The following KREMEN1 variants were observed in gnomAD, a reference collection of about 807,000 sequenced individuals.
KREMEN1 encodes the protein kringle containing transmembrane protein 1.
In KREMEN1, 30 loss-of-function variants were observed where a neutral mutation model predicts 46.5. The ratio of observed to expected loss-of-function variants is 0.65; its 90% CI spans 0.48 to 0.88. The LOEUF (loss-of-function observed/expected upper bound fraction) is 0.88. Ranked by LOEUF, KREMEN1 falls within the 40% of genes least tolerant of loss-of-function variation. The probability of loss-of-function intolerance (pLI) is 0.00; values close to 1 mark genes in which losing one functional copy is unlikely to be tolerated. For synonymous variants in KREMEN1, 214 were observed against 230.6 expected, an observed-to-expected ratio of 0.93 and a Z score of 0.65; for missense variants, 533 against 596.9, an observed-to-expected ratio of 0.89 and a Z score of 1.11.
chr22:29,106,218 CTTT>C (rs36063476), intron 3 of KREMEN1, among the ~76,000 whole-genome samples: 1 of 143,180 alleles, frequency 7.0e-6, no homozygotes, highest in African/African-American at 2.6e-5. Flanking sequence ...TTCACATTAT[CTTT>C]TTTTTTTTTT....
At chr22:29,121,903 A>T (rs1335026549) in intron 4 of KREMEN1, among the ~76,000 whole-genome samples, 1 of 152,246 alleles carries the variant, frequency 6.6e-6, no homozygotes, top group Non-Finnish European at 1.5e-5. Context: ...AAAATCCTAA[A>T]ATATTGGGTT....
chr22:29,107,852 T>G (rs1238794906), intron 3 of KREMEN1, among the ~76,000 whole-genome samples: 1 of 152,196 alleles, frequency 6.6e-6, no homozygotes, highest in Non-Finnish European at 1.5e-5. Flanking sequence ...GATTGTACTT[T>G]TATTTGTGGA....
At chr22:29,094,520 A>C in intron 2 of KREMEN1, 100 bp downstream of exon 2, 2 of 1,031,952 alleles carry the variant, frequency 1.9e-6, no homozygotes, top group Non-Finnish European at 2.8e-6. Context: ...AAGTCTTTTG[A>C]CCAACTCAAG....
chr22:29,093,017 A>G (rs1339706133), intron 1 of KREMEN1, among the ~76,000 whole-genome samples: 1 of 152,138 alleles, frequency 6.6e-6, no homozygotes, highest in South Asian at 2.1e-4. Context: ...GGTTTCTTGC[A>G]TAGGTGGACA....
chr22:29,094,572 T>TACACACACACACACAC (rs134658), intron 2 of KREMEN1, 152 bp downstream of exon 2: 46 of 255,780 alleles, frequency 1.8e-4, no homozygotes, highest in African/African-American at 1.1e-3. Flanking sequence ...TTTCACACCT[T>TACACACACACACACAC]ACACACACAC....
At chr22:29,151,259 A>C (rs1484588275), downstream of KREMEN1, among the ~76,000 whole-genome samples, 1 of 152,206 alleles carries the variant, frequency 6.6e-6, no homozygotes, top group African/African-American at 2.4e-5. Flanking sequence ...CCATTAAGCC[A>C]TGAGCATGAT....
chr22:29,117,867 G>T (rs143275304), intron 3 of KREMEN1, among the ~76,000 whole-genome samples: 9 of 152,160 alleles, frequency 5.9e-5, no homozygotes, highest in Admixed American at 2.0e-4. Context: ...GTATTATAAG[G>T]TATATTATCT....
intron 3 of KREMEN1, among the ~76,000 whole-genome samples, chr22:29,107,788 T>G (rs1601775709): frequency 6.6e-6 from 1 of 152,110 alleles, no homozygotes; most frequent in Non-Finnish European, 1.5e-5. Flanking sequence ...GGAGGATTGC[T>G]TGAGCTCAGG....
intron 3 of KREMEN1, among the ~76,000 whole-genome samples, chr22:29,100,331 C>G (rs1175240526): frequency 6.6e-6 from 1 of 152,032 alleles, no homozygotes; most frequent in Non-Finnish European, 1.5e-5. Context: ...TCAGGCTGGT[C>G]TTGAACTCCT....
At chr22:29,102,069 G>A (rs2037985686) in intron 3 of KREMEN1, among the ~76,000 whole-genome samples, 1 of 152,176 alleles carries the variant, frequency 6.6e-6, no homozygotes, top group African/African-American at 2.4e-5. Context: ...AAAAGACAGT[G>A]AATTCGTAAC....
At chr22:29,153,737 T>C (rs551683705) in intron 9 of KREMEN1, among the ~76,000 whole-genome samples, 1 of 152,088 alleles carries the variant, frequency 6.6e-6, no homozygotes, top group South Asian at 2.1e-4. Flanking sequence ...TCCCAGCACT[T>C]TGGGAGGCCG....
chr22:29,108,834 G>A (rs2145789313), intron 3 of KREMEN1, among the ~76,000 whole-genome samples: 1 of 152,322 alleles, frequency 6.6e-6, no homozygotes, highest in Non-Finnish European at 1.5e-5. Flanking sequence ...CTGTTGCCCA[G>A]GCTGGAGTGC....
At chr22:29,122,259 A>T (rs1407677317) in intron 4 of KREMEN1, among the ~76,000 whole-genome samples, 1 of 152,210 alleles carries the variant, frequency 6.6e-6, no homozygotes, top group East Asian at 1.9e-4. Context: ...AACCACAATG[A>T]GATACCACTG....
At chr22:29,103,822 G>A (rs134669) in intron 3 of KREMEN1, among the ~76,000 whole-genome samples, 113,511 of 152,094 alleles carry the variant, frequency 0.75, 43,056 homozygotes, top group African/African-American at 0.87. Flanking sequence ...CAATAATGGC[G>A]TGGTGGTGAA....
rs1325832737 is a variant in KREMEN1 at position 29,073,427 on chromosome 22, C to T, written c.97+200C>T. ...ACCCCCAGGCCCGTCATCGACGCCC[C>T]CGGGCCCGGTACTGTCCCCCGGCTG... On this transcript the variant is annotated intron_variant, in intron 1 of 8. Transcript: ENST00000400335. This position sits in a 1 kb window ranked among gnomAD's most constrained non-coding sequence, Gnocchi z 4.4. 1.3e-5 allele frequency among the ~76,000 whole-genome samples: 2 copies of T among 152,184 alleles called. No homozygotes were observed. Among genetic ancestry groups the T allele is most frequent in the African/African-American group, 2.4e-5 (1 of 41,454 alleles).
At chr22:29,162,870 A>G (rs1399894738) in intron 9 of KREMEN1, among the ~76,000 whole-genome samples, 2 of 152,220 alleles carry the variant, frequency 1.3e-5, no homozygotes, top group African/African-American at 2.4e-5. Context: ...GTGCCCATCA[A>G]TGGTGGATTA....
At chr22:29,105,472 C>T (rs1601773305) in intron 3 of KREMEN1, among the ~76,000 whole-genome samples, 1 of 121,754 alleles carries the variant, frequency 8.2e-6, no homozygotes, top group African/African-American at 3.6e-5. Context: ...CGCACACACA[C>T]ACACATACAC....
intron 9 of KREMEN1, among the ~76,000 whole-genome samples, chr22:29,152,635 C>T (rs1445045132): frequency 6.6e-6 from 1 of 152,034 alleles, no homozygotes. Flanking sequence ...TTGCACCCCT[C>T]CACTCTCCCC....
intron 2 of KREMEN1, 40 bp downstream of exon 2, chr22:29,094,460 A>G: frequency 6.5e-7 from 1 of 1,549,600 alleles, no homozygotes; most frequent in South Asian, 1.2e-5. Context: ...AGATAGATAT[A>G]TATCTAGTCT....
Sources: gnomAD v4.1 joint callset for allele counts (sites outside exome capture counted in the v4.1 genomes callset) on GRCh38, gnomAD v4.1.1 for gene constraint, Gnocchi (gnomAD v3.1) non-coding constraint, MANE v1.5 for transcripts, NCBI Gene and HGNC (gene_info 2026-07-23, HGNC 2026-07-21) for gene names.